The following DYNC2H1 variants were observed in gnomAD, a reference collection of about 807,000 sequenced individuals.
DYNC2H1 encodes the protein dynein cytoplasmic 2 heavy chain 1.
DYNC2H1 carries 410 observed loss-of-function variants against 570.0 expected under a neutral mutation model. That is an observed-to-expected ratio of 0.72 (90% CI 0.66 to 0.78). The LOEUF is 0.78. Among genes scored for constraint, DYNC2H1 ranks in the 30% least tolerant of loss-of-function variants. The probability of loss-of-function intolerance (pLI) is 0.00; values close to 1 mark genes in which losing one functional copy is unlikely to be tolerated. For synonymous variants in DYNC2H1, 1,688 were observed against 1,677.6 expected (o/e 1.01, Z -0.15); for missense variants, 4,865 against 5,046.4 (o/e 0.96, Z 1.09).
chr11:103,177,611 T>C lies in DYNC2H1; in HGVS notation c.5930T>C (p.Ile1977Thr), dbSNP rs2134994345. The C allele has an allele frequency of 6.2e-7, 1 of 1,613,306 alleles. No homozygotes were observed. Among genetic ancestry groups the C allele is most frequent in the East Asian group, 2.2e-5 (1 of 44,834 alleles). The change falls in exon 38 of 89, where the codon ATT becomes ACT. Residue 1977 changes from isoleucine (I) to threonine (T), a missense_variant. Physicochemically the swap from Ile to Thr is moderately conservative, Grantham distance 89. Transcript: ENST00000375735. The surrounding 1 kb of genome is among the most constrained non-coding windows in gnomAD (Gnocchi z 4.4). Reference sequence around the variant, plus strand: ...TTATGCCAGAGGATGGGAGTTGTTATTGTTGGTCCAAGTGGTGCTGGAAAA... The same window carrying C: ...TTATGCCAGAGGATGGGAGTTGTTACTGTTGGTCCAAGTGGTGCTGGAAAA... Reference protein sequence around the residue: ...EQLCQRMGVVIVGPSGAGKST... With the variant: ...EQLCQRMGVVTVGPSGAGKST...
rs1037297527 is a variant in DYNC2H1, at chr11:103,363,759, A to G, written c.12156+5400A>G. Among the ~76,000 whole-genome samples, 12 of 152,230 alleles carry G rather than the reference A, an allele frequency of 7.9e-5. No homozygotes were observed. Among genetic ancestry groups the G allele is most frequent in the Admixed American group, 7.9e-4 (12 of 15,284 alleles). ...TGTGACTAATAATTTAAGGCATCCA[A>G]AAGTGTTATTGTAGCTGATTTAGTG... On this transcript the variant is annotated intron_variant, in intron 83 of 88. Coordinates refer to ENST00000375735, the MANE Select transcript of DYNC2H1 (RefSeq NM_001377.3). This position sits in a 1 kb window ranked among gnomAD's most constrained non-coding sequence, Gnocchi z 5.6.
In DYNC2H1 at chr11:103,199,146, A is replaced by G. The variant is rs77707857; in HGVS notation, c.7840-82A>G. On this transcript the variant is annotated intron_variant, in intron 48 of 88. Coordinates refer to ENST00000375735, the MANE Select transcript of DYNC2H1 (RefSeq NM_001377.3). The surrounding 1 kb of genome is among the most constrained non-coding windows in gnomAD (Gnocchi z 4.6). ...TTTTCTTGAATGTATCAAAAATATA[A>G]TATTTTAACCTAGGTAAGTAACATT... 6,489 of 988,054 alleles carry G rather than the reference A, an allele frequency of 6.6e-3. 259 individuals are homozygous for G. In the African/African-American group the frequency reaches 0.088, roughly 13 times the overall value. 61.2% of individuals were successfully genotyped at this position (988,054 alleles called of 1,614,324 possible).
At position 103,254,013 on chromosome 11, in the gene DYNC2H1, T is replaced by A. The variant is rs967908203; in HGVS notation, c.10206+565T>A. Among the ~76,000 whole-genome samples, 1 of 152,178 alleles carries A rather than the reference T, an allele frequency of 6.6e-6. No homozygotes were observed. The highest frequency in any genetic ancestry group is 1.5e-5 in the Non-Finnish European group (1 of 68,006). ...TTAAAGATATAATGCCAGTTGACTT[T>A]TGGAGTATCATCCTATTTTTTACTC... On this transcript the variant is annotated intron_variant, in intron 66 of 88. Transcript: ENST00000375735. This position sits in a 1 kb window ranked among gnomAD's most constrained non-coding sequence, Gnocchi z 4.9.
intron 83 of DYNC2H1, among the ~76,000 whole-genome samples, chr11:103,383,203 G>T (rs867284098): frequency 2.0e-4 from 31 of 152,130 alleles, no homozygotes; most frequent in African/African-American, 5.8e-4. Context: ...AATCTCAAAT[G>T]AACAGGAAGA....
chr11:103,187,327 G>A lies in DYNC2H1; in HGVS notation c.6894-13G>A, dbSNP rs375488342. 2.7e-5 allele frequency: 44 copies of A among 1,612,222 alleles called. No individual in the cohort carries two copies. In the African/African-American group the frequency reaches 5.7e-4, roughly 21 times the overall value. The stretch of plus-strand genomic sequence containing the variant: ...CATTTTTATCAAAGTCAGATGTCAT[G>A]CATTTTTCGTAGGATGCTGCTCAGG... On this transcript the variant is annotated splice_polypyrimidine_tract_variant and intron_variant, in intron 42 of 88. Coordinates refer to ENST00000375735, the MANE Select transcript of DYNC2H1 (RefSeq NM_001377.3).
intron 85 of DYNC2H1, among the ~76,000 whole-genome samples, chr11:103,436,774 T>C (rs1435370762): frequency 1.3e-5 from 2 of 152,140 alleles, no homozygotes; most frequent in Non-Finnish European, 2.9e-5. Context: ...TTCTCAATTT[T>C]GTATTCTCTA....
chr11:103,451,455 C>T (rs939772946), intron 85 of DYNC2H1, among the ~76,000 whole-genome samples: 3 of 150,432 alleles, frequency 2.0e-5, no homozygotes, highest in African/African-American at 7.4e-5. Flanking sequence ...GCCTCAGTCT[C>T]CCAAGTAGCT....
At chr11:103,279,164 A>G (rs1363087459) in intron 70 of DYNC2H1, among the ~76,000 whole-genome samples, 1 of 152,196 alleles carries the variant, frequency 6.6e-6, no homozygotes, top group African/African-American at 2.4e-5. Flanking sequence ...ATCCATTTCC[A>G]TACTATATGT....
chr11:103,178,072 A>G (rs932327780), intron 38 of DYNC2H1, among the ~76,000 whole-genome samples: 3 of 152,166 alleles, frequency 2.0e-5, no homozygotes, highest in Non-Finnish European at 4.4e-5. Context: ...CAACTAGATT[A>G]ATTTACTGAA....
chr11:103,111,618 A>G (rs1467525869), intron 1 of DYNC2H1, among the ~76,000 whole-genome samples: 1 of 152,198 alleles, frequency 6.6e-6, no homozygotes, highest in Non-Finnish European at 1.5e-5. Flanking sequence ...AGAATGCAGT[A>G]GGAAAGATGG....
chr11:103,266,833 A>T (rs2135294495), intron 70 of DYNC2H1, among the ~76,000 whole-genome samples: 1 of 152,264 alleles, frequency 6.6e-6, no homozygotes, highest in South Asian at 2.1e-4. Flanking sequence ...GCTTCCGGAG[A>T]TGCCAGCAGA....
At chr11:103,306,936 G>C (rs1229204028) in intron 77 of DYNC2H1, among the ~76,000 whole-genome samples, 3 of 152,132 alleles carry the variant, frequency 2.0e-5, no homozygotes, top group Non-Finnish European at 1.5e-5. Context: ...ACTATATTGT[G>C]GGATGAAGAA....
chr11:103,322,260 C>T (rs313397), intron 81 of DYNC2H1, among the ~76,000 whole-genome samples: 66,337 of 151,738 alleles, frequency 0.44, 15,688 homozygotes, highest in Admixed American at 0.57. Context: ...CGCATAATTA[C>T]TATACATTTA....
intron 83 of DYNC2H1, among the ~76,000 whole-genome samples, chr11:103,364,210 G>T (rs1940786799): frequency 6.6e-6 from 1 of 152,068 alleles, no homozygotes; most frequent in Non-Finnish European, 1.5e-5. Flanking sequence ...AACTTCAGTA[G>T]ATTCTAAGAA....
At position 103,303,585 on chromosome 11, in the gene DYNC2H1, G is replaced by T. The variant is rs1185576766; in HGVS notation, c.11256+332G>T. 2.0e-5 allele frequency among the ~76,000 whole-genome samples: 3 copies of T among 152,054 alleles called. No homozygotes were observed. In the South Asian group the frequency reaches 6.2e-4, roughly 32 times the overall value. On this transcript the variant is annotated intron_variant, in intron 76 of 88. Coordinates refer to ENST00000375735, the MANE Select transcript of DYNC2H1 (RefSeq NM_001377.3). ...GAAGTAGAGGTCAGAGAAGTGAGAA[G>T]GTGCTGTGCTACTGGCTTTGAAGAT...
chr11:103,474,072 G>C (rs1481962200), intron 88 of DYNC2H1: 2 of 240,126 alleles, frequency 8.3e-6, no homozygotes, highest in Non-Finnish European at 1.8e-5. Context: ...TATTTTGTAT[G>C]TTATTTTTTT....
chr11:103,221,218 A>C (rs1293369933), intron 57 of DYNC2H1, among the ~76,000 whole-genome samples: 1 of 152,136 alleles, frequency 6.6e-6, no homozygotes, highest in Admixed American at 6.6e-5. Flanking sequence ...GCTGCAAACT[A>C]GAAGAGAATA....
chr11:103,381,485 T>C (rs1284660659), intron 83 of DYNC2H1, among the ~76,000 whole-genome samples: 1 of 152,228 alleles, frequency 6.6e-6, no homozygotes, highest in African/African-American at 2.4e-5. Flanking sequence ...AGTCTCGCTT[T>C]GTCACTCAGG....
Position 103,189,551 on chromosome 11 carries a change from T to G in DYNC2H1, c.7293-121T>G. The G allele has an allele frequency of 1.1e-6, 1 of 933,288 alleles. No individual in the cohort carries two copies. The highest frequency in any genetic ancestry group is 1.6e-6 in the Non-Finnish European group (1 of 626,340). 57.8% of individuals were successfully genotyped at this position (933,288 alleles called of 1,614,324 possible). A position where few individuals can be genotyped will look rare whatever the true frequency, so the allele number is the denominator to read the frequency against. ...CTAGTCTTAGCCCCCTGGGTAAGCT[T>G]TGGAGATATGTAGGTCTTAGAGCAG... On this transcript the variant is annotated intron_variant, in intron 44 of 88. Transcript: ENST00000375735. The surrounding 1 kb of genome is among the most constrained non-coding windows in gnomAD (Gnocchi z 4.3).
Sources: allele counts gnomAD v4.1 joint callset (sites outside exome capture counted in the v4.1 genomes callset), GRCh38; gene constraint gnomAD v4.1.1; non-coding constraint Gnocchi (gnomAD v3.1); transcripts MANE v1.5; gene names NCBI Gene and HGNC (gene_info 2026-07-23, HGNC 2026-07-21).